The following BCAS3 variants were observed in gnomAD, a reference collection of about 807,000 sequenced individuals.
BCAS3 encodes the protein BCAS4/BCAS3 fusion.
A neutral mutation model predicts 116.1 loss-of-function variants in BCAS3; 53 were observed. That is an observed-to-expected ratio of 0.46 (90% CI 0.37 to 0.57). BCAS3 has a LOEUF of 0.57. Among genes scored for constraint, BCAS3 ranks in the 20% least tolerant of loss-of-function variants. The pLI is 0.00. For missense variants in BCAS3, 917 were observed against 1,165.4 expected (o/e 0.79, Z 3.10); for synonymous variants, 391 against 408.2 (o/e 0.96, Z 0.51).
At position 61,365,633 on chromosome 17, in the gene BCAS3, C is replaced by T. The variant is rs116842887; in HGVS notation, c.2426-2694C>T. On this transcript the variant is annotated intron_variant, in intron 22 of 23. Coordinates refer to ENST00000407086, the MANE Select transcript of BCAS3 (RefSeq NM_017679.5). The surrounding 1 kb of genome is among the most constrained non-coding windows in gnomAD (Gnocchi z 4.6). ...ACAGGCGTGAGCCACCGTGCCTGGC[C>T]CAATTTCTTTTGTTTGTTTTCTTCC... Among the ~76,000 whole-genome samples the T allele has an allele frequency of 0.011, 1,687 of 152,162 alleles. 37 individuals carry two copies. The highest frequency in any genetic ancestry group is 0.082 in the East Asian group (426 of 5,166).
At chr17:61,246,803 G>C (rs1426843235) in intron 22 of BCAS3, among the ~76,000 whole-genome samples, 1 of 150,628 alleles carries the variant, frequency 6.6e-6, no homozygotes, top group African/African-American at 2.5e-5. Flanking sequence ...GTGTGTGTGT[G>C]TGTGTGTGTG....
At chr17:60,727,953 G>A (rs570956667) in intron 5 of BCAS3, among the ~76,000 whole-genome samples, 2 of 151,900 alleles carry the variant, frequency 1.3e-5, no homozygotes, top group East Asian at 1.9e-4. Flanking sequence ...GACTACAGGT[G>A]CATGCCACCA....
chr17:61,242,175 C>G (rs1020668241), intron 22 of BCAS3, among the ~76,000 whole-genome samples: 5 of 151,444 alleles, frequency 3.3e-5, no homozygotes, highest in Non-Finnish European at 4.4e-5. Context: ...ACTCAGGAGG[C>G]TGAGGCAAGA....
chr17:61,027,045 G>A, intron 16 of BCAS3: 1 of 717,896 alleles, frequency 1.4e-6, no homozygotes, highest in Non-Finnish European at 2.3e-6. Flanking sequence ...ATTTGTAGAT[G>A]GAACATGAAT....
intron 7 of BCAS3, among the ~76,000 whole-genome samples, chr17:60,856,470 C>T (rs2053682526): frequency 6.6e-6 from 1 of 152,170 alleles, no homozygotes; most frequent in African/African-American, 2.4e-5. Context: ...AGGTGGATTA[C>T]ATGAGGCCAG....
Position 61,087,234 on chromosome 17 carries a change from G to T in BCAS3, c.2425+2670G>T. The T allele has an allele frequency of 1.0e-6, 1 of 985,314 alleles. No individual in the cohort carries two copies. Among genetic ancestry groups the T allele is most frequent in the Non-Finnish European group, 1.2e-6 (1 of 829,776 alleles). 61.0% of individuals were successfully genotyped at this position (985,314 alleles called of 1,614,324 possible). On this transcript the variant is annotated intron_variant, in intron 22 of 23. Transcript: ENST00000407086. The surrounding 1 kb of genome is among the most constrained non-coding windows in gnomAD (Gnocchi z 4.6). ...GAGGTTTCATTGCCTGTTACTTGGA[G>T]ATACGACCAGTGTGGCACCTCCTCT...
intron 14 of BCAS3, among the ~76,000 whole-genome samples, chr17:60,976,779 C>G (rs2145375649): frequency 6.6e-6 from 1 of 152,276 alleles, no homozygotes; most frequent in South Asian, 2.1e-4. Flanking sequence ...TTAACAGCAT[C>G]CCAAGGCAGA....
chr17:61,140,222 G>A lies in BCAS3; in HGVS notation c.2425+55658G>A, dbSNP rs996531874. Among the ~76,000 whole-genome samples, 12 of 152,152 alleles carry A rather than the reference G, an allele frequency of 7.9e-5. No individual in the cohort carries two copies. The highest frequency in any genetic ancestry group is 7.9e-4 in the Admixed American group (12 of 15,274). ...ACTGCACTCCAGCCTGGGTGACAGA[G>A]CAAGACTCCATCTCAAAAAAAAGGA... is the stretch of plus-strand genomic sequence containing the variant. On this transcript the variant is annotated intron_variant, in intron 22 of 23. Transcript: ENST00000407086. The surrounding 1 kb of genome is among the most constrained non-coding windows in gnomAD (Gnocchi z 4.2).
chr17:60,731,154 A>G (rs1341540147), intron 5 of BCAS3, among the ~76,000 whole-genome samples: 3 of 152,188 alleles, frequency 2.0e-5, no homozygotes, highest in African/African-American at 7.2e-5. Flanking sequence ...TTGTATCTGT[A>G]TGATTAGTAC....
At position 61,259,890 on chromosome 17, in the gene BCAS3, T is replaced by A. The variant is rs1182318638; in HGVS notation, c.2426-108437T>A. The stretch of plus-strand genomic sequence containing the variant: ...TTACTGAATAGGATATGCTTTTTAT[T>A]ACTTTGGACTGACCTAGTGATAATA... On this transcript the variant is annotated intron_variant, in intron 22 of 23. Coordinates refer to ENST00000407086, the MANE Select transcript of BCAS3 (RefSeq NM_017679.5). The surrounding 1 kb of genome is among the most constrained non-coding windows in gnomAD (Gnocchi z 4.7). 6.6e-6 allele frequency among the ~76,000 whole-genome samples: 1 copy of A among 152,238 alleles called. No individual in the cohort carries two copies. The highest frequency in any genetic ancestry group is 2.4e-5 in the African/African-American group (1 of 41,466).
At position 60,955,386 on chromosome 17, in the gene BCAS3, A is replaced by ATTTTTTTTTTTT. The variant is rs1016334366; in HGVS notation, c.1221+8042_1221+8053dup. 8.6e-5 allele frequency among the ~76,000 whole-genome samples: 11 copies of ATTTTTTTTTTTT among 128,080 alleles called. 3 individuals are homozygous for ATTTTTTTTTTTT. Among genetic ancestry groups the ATTTTTTTTTTTT allele is most frequent in the African/African-American group, 3.5e-4 (10 of 28,234 alleles). The allele number at this position is 128,080 out of a possible 152,430, so 84.0% of individuals were successfully genotyped here. ...AAAGGATCTAGTTCAGGGAAACTGA[A>ATTTTTTTTTTTT]TTTTTTTTTTTTTTTTTTTGAGACA... On this transcript the variant is annotated intron_variant, in intron 14 of 23. Transcript: ENST00000407086.
rs549710054 is a variant in BCAS3 at position 60,972,310 on chromosome 17, G to A, written c.1222-17661G>A. Among the ~76,000 whole-genome samples, 7 of 152,226 alleles carry A rather than the reference G, an allele frequency of 4.6e-5. No individual in the cohort carries two copies. In the South Asian group the frequency reaches 8.3e-4, roughly 18 times the overall value. ...TCCTCCATGAAAAGCATGGACTAGC[G>A]TTTTTAATGTGCACATGCCAGTTGC... On this transcript the variant is annotated intron_variant, in intron 14 of 23. Coordinates refer to ENST00000407086, the MANE Select transcript of BCAS3 (RefSeq NM_017679.5).
intron 7 of BCAS3, among the ~76,000 whole-genome samples, chr17:60,820,315 G>A (rs1323883433): frequency 1.3e-5 from 2 of 152,168 alleles, no homozygotes; most frequent in African/African-American, 4.8e-5. Flanking sequence ...AAAGTGCTGG[G>A]ATTACAGGCG....
chr17:61,197,683 A>T, intron 22 of BCAS3, among the ~76,000 whole-genome samples: 1 of 152,322 alleles, frequency 6.6e-6, no homozygotes, highest in South Asian at 2.1e-4. Flanking sequence ...TCTTCCAACT[A>T]TATACACACA....
At chr17:60,704,376 A>G (rs1406695772) in intron 4 of BCAS3, among the ~76,000 whole-genome samples, 2 of 152,202 alleles carry the variant, frequency 1.3e-5, no homozygotes, top group African/African-American at 2.4e-5. Flanking sequence ...GTCCTTATCT[A>G]TAATGCTGCT....
chr17:61,022,111 G>C (rs2065913347), intron 16 of BCAS3, among the ~76,000 whole-genome samples: 1 of 152,158 alleles, frequency 6.6e-6, no homozygotes, highest in African/African-American at 2.4e-5. Context: ...GACTACATAT[G>C]CAATATATTT....
rs2144796528 is a variant in BCAS3 at position 61,315,753 on chromosome 17, A to G, written c.2426-52574A>G. 6.6e-6 allele frequency among the ~76,000 whole-genome samples: 1 copy of G among 152,110 alleles called. No individual in the cohort carries two copies. Among genetic ancestry groups the G allele is most frequent in the Admixed American group, 6.5e-5 (1 of 15,278 alleles). ...GTACTGGTCCCTGAGATGTCCCCTGACATGCCCCTCACCCAGCACCTCTGC... is the reference window on the plus strand; with the variant it reads ...GTACTGGTCCCTGAGATGTCCCCTGGCATGCCCCTCACCCAGCACCTCTGC... On this transcript the variant is annotated intron_variant, in intron 22 of 23. Coordinates refer to ENST00000407086, the MANE Select transcript of BCAS3 (RefSeq NM_017679.5). This position sits in a 1 kb window ranked among gnomAD's most constrained non-coding sequence, Gnocchi z 5.3.
intron 7 of BCAS3, among the ~76,000 whole-genome samples, chr17:60,836,514 T>G (rs1424252775): frequency 6.6e-6 from 1 of 152,072 alleles, no homozygotes; most frequent in Non-Finnish European, 1.5e-5. Flanking sequence ...GTTCCTTCTT[T>G]AATAATGTTT....
In BCAS3 at chr17:61,235,757, G is replaced by C. The variant is rs1414239966; in HGVS notation, c.2426-132570G>C. ...AAAGACAAGGGAAAAAAATGGTTAG[G>C]GAGGCTGCAAAAGAGATGTGGAGAC... is the stretch of plus-strand genomic sequence containing the variant. On this transcript the variant is annotated intron_variant, in intron 22 of 23. Coordinates refer to ENST00000407086, the MANE Select transcript of BCAS3 (RefSeq NM_017679.5). This position sits in a 1 kb window ranked among gnomAD's most constrained non-coding sequence, Gnocchi z 5.0. 1.3e-5 allele frequency among the ~76,000 whole-genome samples: 2 copies of C among 152,028 alleles called. No individual in the cohort carries two copies. The highest frequency in any genetic ancestry group is 2.4e-5 in the African/African-American group (1 of 41,402).
Sources: allele counts gnomAD v4.1 joint callset (sites outside exome capture counted in the v4.1 genomes callset), GRCh38; gene constraint gnomAD v4.1.1; non-coding constraint Gnocchi (gnomAD v3.1); transcripts MANE v1.5; gene names NCBI Gene and HGNC (gene_info 2026-07-23, HGNC 2026-07-21).